The following NWD2 variants were observed in gnomAD, a reference collection of about 807,000 sequenced individuals.
NWD2 encodes the protein NACHT and WD repeat domain containing 2.
In NWD2, 37 loss-of-function variants were observed where a neutral mutation model predicts 132.7. That is an observed-to-expected ratio of 0.28 (90% CI 0.21 to 0.37). The LOEUF (loss-of-function observed/expected upper bound fraction) is 0.37. Ranked by LOEUF, NWD2 falls within the 10% of genes least tolerant of loss-of-function variation. The probability of loss-of-function intolerance (pLI) is 1.00; values close to 1 mark genes in which losing one functional copy is unlikely to be tolerated. For synonymous variants in NWD2, 705 were observed against 803.0 expected (o/e 0.88, Z 2.06); for missense variants, 1,592 against 2,122.4 (o/e 0.75, Z 4.91).
intron 1 of NWD2, among the ~76,000 whole-genome samples, chr4:37,307,003 G>A (rs112094102): frequency 2.0e-5 from 3 of 148,626 alleles, no homozygotes; most frequent in African/African-American, 5.0e-5. Context: ...CAGCCTAGGC[G>A]ACAGAGCGAG....
At chr4:37,373,784 A>G (rs1211892235) in intron 3 of NWD2, among the ~76,000 whole-genome samples, 2 of 152,222 alleles carry the variant, frequency 1.3e-5, no homozygotes, top group Non-Finnish European at 2.9e-5. Context: ...GGCAAGCCAG[A>G]CGTCCTGTAT....
intron 2 of NWD2, among the ~76,000 whole-genome samples, chr4:37,331,813 G>T (rs1326144492): frequency 2.6e-5 from 4 of 152,176 alleles, no homozygotes; most frequent in African/African-American, 9.7e-5. Context: ...AATTTCCAGT[G>T]CCATCCCTCC....
At chr4:37,287,061 G>T (rs1011876615) in intron 1 of NWD2, among the ~76,000 whole-genome samples, 1 of 152,180 alleles carries the variant, frequency 6.6e-6, no homozygotes, top group African/African-American at 2.4e-5. Flanking sequence ...CCTGAGAGCC[G>T]CATGGGGCAG....
chr4:37,404,796 A>G (rs796114567), intron 3 of NWD2, among the ~76,000 whole-genome samples: 2 of 152,228 alleles, frequency 1.3e-5, no homozygotes, highest in South Asian at 4.1e-4. Context: ...AGGAGGAGCA[A>G]GACGTCTTAC....
chr4:37,386,893 T>C (rs993273336), intron 3 of NWD2, among the ~76,000 whole-genome samples: 2 of 149,486 alleles, frequency 1.3e-5, no homozygotes, highest in Non-Finnish European at 2.9e-5. Flanking sequence ...GTGTCATGTC[T>C]GTTTCCTCTT....
At chr4:37,287,263 C>A (rs1718252952) in intron 1 of NWD2, among the ~76,000 whole-genome samples, 1 of 152,232 alleles carries the variant, frequency 6.6e-6, no homozygotes, top group Non-Finnish European at 1.5e-5. Flanking sequence ...TCTGCCTAAG[C>A]CTGCAGAGCT....
intron 2 of NWD2, among the ~76,000 whole-genome samples, chr4:37,345,473 C>A (rs182880701): frequency 6.6e-5 from 10 of 152,202 alleles, no homozygotes; most frequent in Non-Finnish European, 1.3e-4. Flanking sequence ...TATTAAGCAT[C>A]TTTTTATGTT....
At chr4:37,266,482 C>G (rs2109261281) in intron 1 of NWD2, among the ~76,000 whole-genome samples, 1 of 152,168 alleles carries the variant, frequency 6.6e-6, no homozygotes, top group East Asian at 1.9e-4. Flanking sequence ...AAGAAAGAGA[C>G]CGTCTCCTTC....
chr4:37,311,011 A>G (rs994080109), intron 1 of NWD2, among the ~76,000 whole-genome samples: 5 of 151,688 alleles, frequency 3.3e-5, no homozygotes, highest in African/African-American at 1.2e-4. Flanking sequence ...TATGTGCCAC[A>G]TTTTCTTGAT....
At chr4:37,364,985 G>A (rs1019923092) in intron 3 of NWD2, among the ~76,000 whole-genome samples, 38 of 152,176 alleles carry the variant, frequency 2.5e-4, no homozygotes, top group African/African-American at 8.9e-4. Flanking sequence ...GTGTGTAGCT[G>A]TAACTGACAA....
intron 1 of NWD2, among the ~76,000 whole-genome samples, chr4:37,279,768 G>A (rs1347845193): frequency 7.2e-5 from 11 of 152,002 alleles, no homozygotes; most frequent in Admixed American, 6.5e-4. Flanking sequence ...CCTCTAAAAA[G>A]TATAAAACTA....
intron 3 of NWD2, among the ~76,000 whole-genome samples, chr4:37,407,484 C>T (rs947085338): frequency 3.3e-5 from 5 of 152,148 alleles, no homozygotes; most frequent in Admixed American, 3.3e-4. Flanking sequence ...GATACTAATG[C>T]CACTGATCCA....
intron 2 of NWD2, among the ~76,000 whole-genome samples, chr4:37,330,236 G>A (rs1276825013): frequency 6.6e-6 from 1 of 152,022 alleles, no homozygotes; most frequent in African/African-American, 2.4e-5. Flanking sequence ...TATATGTGAT[G>A]GGTACATATA....
chr4:37,290,381 G>A (rs1223850077), intron 1 of NWD2, among the ~76,000 whole-genome samples: 3 of 152,186 alleles, frequency 2.0e-5, no homozygotes, highest in South Asian at 4.1e-4. Context: ...CCCTGAACAA[G>A]ATAGACATGG....
intron 3 of NWD2, among the ~76,000 whole-genome samples, chr4:37,390,409 A>ATGT (rs3064358): frequency 0.16 from 24,416 of 149,974 alleles, 2,245 homozygotes; most frequent in Admixed American, 0.2. Flanking sequence ...ATAATCTGAA[A>ATGT]TTTTTTTTTT....
intron 2 of NWD2, among the ~76,000 whole-genome samples, chr4:37,350,752 G>A (rs911809430): frequency 6.6e-6 from 1 of 152,106 alleles, no homozygotes; most frequent in South Asian, 2.1e-4. Flanking sequence ...GAGCAACCTC[G>A]TCTTGTGCCA....
At chr4:37,423,999 T>C (rs1473482459) in intron 3 of NWD2, among the ~76,000 whole-genome samples, 1 of 152,164 alleles carries the variant, frequency 6.6e-6, no homozygotes, top group Non-Finnish European at 1.5e-5. Context: ...TGTTGCTGGC[T>C]CTTTGGCGGG....
intron 1 of NWD2, among the ~76,000 whole-genome samples, chr4:37,308,491 C>T (rs545980024): frequency 2.0e-5 from 3 of 152,066 alleles, no homozygotes; most frequent in South Asian, 2.1e-4. Context: ...CTGGTCAGGG[C>T]GGCAGTCATT....
At chr4:37,311,949 C>T (rs145238138) in intron 1 of NWD2, among the ~76,000 whole-genome samples, 35,018 of 151,270 alleles carry the variant, frequency 0.23, 4,750 homozygotes, top group Middle Eastern at 0.4. Context: ...AGATATGCGG[C>T]GTTATTTCTG....
Sources: gnomAD v4.1 joint callset for allele counts (sites outside exome capture counted in the v4.1 genomes callset) on GRCh38, gnomAD v4.1.1 for gene constraint, MANE v1.5 for transcripts, NCBI Gene and HGNC (gene_info 2026-07-23, HGNC 2026-07-21) for gene names.